The following RIMS2 variants were observed in gnomAD, a reference collection of about 807,000 sequenced individuals.
The protein encoded by RIMS2 is regulating synaptic membrane exocytosis 2.
RIMS2 carries 59 observed loss-of-function variants against 174.4 expected under a neutral mutation model. The ratio of observed to expected loss-of-function variants is 0.34; its 90% confidence interval spans 0.27 to 0.42. The LOEUF is 0.42. Among genes scored for constraint, RIMS2 ranks in the 10% least tolerant of loss-of-function variants. RIMS2 has a pLI of 1.00. For missense variants in RIMS2, 1,620 were observed against 1,666.3 expected (o/e 0.97, Z 0.48); for synonymous variants, 606 against 572.5 (o/e 1.06, Z -0.84).
chr8:104,211,870 A>G (rs1366052669), intron 19 of RIMS2, among the ~76,000 whole-genome samples: 1 of 152,174 alleles, frequency 6.6e-6, no homozygotes. Context: ...TGGGGGCAAG[A>G]GTGAAAGTAT....
intron 2 of RIMS2, among the ~76,000 whole-genome samples, chr8:103,749,206 G>A (rs984039388): frequency 1.3e-5 from 2 of 151,596 alleles, no homozygotes; most frequent in African/African-American, 2.4e-5. Flanking sequence ...CCGCCTCCCA[G>A]GTTCATGCCA....
chr8:103,614,268 C>T (rs1262216071), intron 1 of RIMS2, among the ~76,000 whole-genome samples: 1 of 152,266 alleles, frequency 6.6e-6, no homozygotes, highest in Non-Finnish European at 1.5e-5. Flanking sequence ...TCTCTCCATG[C>T]ATGGGCACTG....
intron 1 of RIMS2, among the ~76,000 whole-genome samples, chr8:103,644,788 C>G (rs4140822): frequency 6.6e-6 from 1 of 151,274 alleles, no homozygotes; most frequent in African/African-American, 2.4e-5. Context: ...TTTTACAAAA[C>G]CCAGTTTTAA....
At chr8:103,597,507 G>T (rs1259993318) in intron 1 of RIMS2, among the ~76,000 whole-genome samples, 2 of 151,868 alleles carry the variant, frequency 1.3e-5, no homozygotes, top group African/African-American at 2.4e-5. Context: ...TGCTTCCTTT[G>T]TCAGCACAGT....
At chr8:104,164,419 AT>A (rs67711221) in intron 19 of RIMS2, among the ~76,000 whole-genome samples, 65,603 of 151,778 alleles carry the variant, frequency 0.43, 14,633 homozygotes, top group East Asian at 0.62. Flanking sequence ...TTCCAAAAAA[AT>A]AAGGACAAAA....
At chr8:104,042,295 C>G (rs1336759935) in intron 19 of RIMS2, among the ~76,000 whole-genome samples, 1 of 151,510 alleles carries the variant, frequency 6.6e-6, no homozygotes, top group Non-Finnish European at 1.5e-5. Flanking sequence ...CCAGTAGCTT[C>G]ACACAAGTTT....
At chr8:104,075,508 G>A (rs11780056) in intron 19 of RIMS2, among the ~76,000 whole-genome samples, 35,752 of 152,048 alleles carry the variant, frequency 0.24, 4,511 homozygotes, top group South Asian at 0.33. Flanking sequence ...TTTTCAACTC[G>A]AGCCAAGTCA....
intron 19 of RIMS2, among the ~76,000 whole-genome samples, chr8:104,206,320 C>A (rs962179382): frequency 6.6e-6 from 1 of 152,082 alleles, no homozygotes; most frequent in Non-Finnish European, 1.5e-5. Context: ...AATATAAATT[C>A]GTATCTCTCT....
intron 14 of RIMS2, among the ~76,000 whole-genome samples, chr8:103,959,362 C>T (rs2088944429): frequency 6.6e-6 from 1 of 151,834 alleles, no homozygotes; most frequent in Non-Finnish European, 1.5e-5. Context: ...TGCTTTCTGT[C>T]TGCTTTTAAT....
chr8:103,634,231 T>G (rs764712027), intron 1 of RIMS2, among the ~76,000 whole-genome samples: 1 of 152,246 alleles, frequency 6.6e-6, no homozygotes, highest in African/African-American at 2.4e-5. Flanking sequence ...TTTGTTTTCA[T>G]TATTTTCAAA....
chr8:103,758,170 C>G (rs1289536180), intron 2 of RIMS2, among the ~76,000 whole-genome samples: 1 of 151,992 alleles, frequency 6.6e-6, no homozygotes, highest in African/African-American at 2.4e-5. Context: ...CTGTCTTTCT[C>G]TTCTTCTCTT....
At chr8:103,644,670 T>A (rs533047011) in intron 1 of RIMS2, among the ~76,000 whole-genome samples, 134 of 151,318 alleles carry the variant, frequency 8.9e-4, no homozygotes, top group African/African-American at 3.1e-3. Flanking sequence ...TTAAAGACAT[T>A]TTAAATATTT....
intron 3 of RIMS2, among the ~76,000 whole-genome samples, chr8:103,874,970 GT>G (rs1404459307): frequency 1.3e-5 from 2 of 151,944 alleles, no homozygotes; most frequent in East Asian, 3.9e-4. Flanking sequence ...TTGTTTGTTT[GT>G]TTGTTTCTTT....
At chr8:103,832,928 A>G (rs2098835026) in intron 3 of RIMS2, among the ~76,000 whole-genome samples, 3 of 152,140 alleles carry the variant, frequency 2.0e-5, no homozygotes, top group Non-Finnish European at 4.4e-5. Context: ...AGTCTTTTAC[A>G]TTTATTCACA....
intron 19 of RIMS2, among the ~76,000 whole-genome samples, chr8:104,139,984 T>C (rs2098552877): frequency 6.6e-6 from 1 of 152,168 alleles, no homozygotes; most frequent in African/African-American, 2.4e-5. Context: ...GATATTTAAT[T>C]TTATCAAATG....
intron 1 of RIMS2, among the ~76,000 whole-genome samples, chr8:103,673,891 G>C (rs2096776383): frequency 6.6e-6 from 1 of 152,198 alleles, no homozygotes; most frequent in Non-Finnish European, 1.5e-5. Flanking sequence ...CCTTTGAAAT[G>C]TAATTGTTGA....
intron 1 of RIMS2, among the ~76,000 whole-genome samples, chr8:103,612,099 A>AT (rs2095389891): frequency 6.6e-6 from 1 of 152,030 alleles, no homozygotes; most frequent in South Asian, 2.1e-4. Context: ...TGTCAGTTGC[A>AT]TTTTTGTAAC....
At chr8:103,822,418 A>G (rs2098757538) in intron 3 of RIMS2, among the ~76,000 whole-genome samples, 1 of 151,824 alleles carries the variant, frequency 6.6e-6, no homozygotes, top group Non-Finnish European at 1.5e-5. Flanking sequence ...ACCAACCAAT[A>G]ATACTGTATG....
intron 16 of RIMS2, among the ~76,000 whole-genome samples, chr8:103,981,754 G>GC (rs1565661343): frequency 6.6e-6 from 1 of 151,832 alleles, no homozygotes; most frequent in Non-Finnish European, 1.5e-5. Context: ...ACTAAAGAAC[G>GC]CATCAATGTC....
Sources: gnomAD v4.1 joint callset for allele counts (sites outside exome capture counted in the v4.1 genomes callset) on GRCh38, gnomAD v4.1.1 for gene constraint, MANE v1.5 for transcripts, NCBI Gene and HGNC (gene_info 2026-07-23, HGNC 2026-07-21) for gene names.